Variants in LAMC3 observed in about 807,000 individuals in gnomAD.
The protein encoded by LAMC3 is laminin subunit gamma-3.
In LAMC3, 128 loss-of-function variants were observed where a neutral mutation model predicts 173.8. The observed-to-expected ratio is 0.74, with a 90% CI of 0.64 to 0.85. The LOEUF (loss-of-function observed/expected upper bound fraction) is 0.85. Among genes scored for constraint, LAMC3 ranks in the 40% least tolerant of loss-of-function variants. The pLI, the probability that LAMC3 is intolerant of heterozygous loss-of-function variation, is 0.00. For missense variants in LAMC3, 2,022 were observed against 2,156.0 expected, an observed-to-expected ratio of 0.94 and a Z score of 1.23; for synonymous variants, 897 against 909.1, an observed-to-expected ratio of 0.99 and a Z score of 0.24.
chr9:131,061,110 T>C lies in LAMC3; in HGVS notation c.2234T>C (p.Phe745Ser), dbSNP rs1041393760. 5 of 1,613,836 alleles carry C rather than the reference T, an allele frequency of 3.1e-6. No individual in the cohort carries two copies. In the African/African-American group the frequency reaches 5.3e-5, roughly 17 times the overall value. Residue 745 changes from phenylalanine (F) to serine (S), a missense_variant, in exon 13 of 28, where the codon TTC (phenylalanine) becomes TCC (serine). By Grantham distance (155) the Phe-to-Ser change is radical (BLOSUM62 -2). Coordinates refer to ENST00000361069, the MANE Select transcript of LAMC3 (RefSeq NM_006059.4). ...TTGCCAGGTTTCTATGGCAACCCTT[T>C]CGCGGGCCAAGCCGACGACTGCCAG... ...RCLPGFYGNP[F>S]AGQADDCQPC... is the part of the protein sequence containing the mutation.
At chr9:131,018,553 A>G (rs1052176524) in intron 1 of LAMC3, among the ~76,000 whole-genome samples, 2 of 152,182 alleles carry the variant, frequency 1.3e-5, no homozygotes, top group African/African-American at 4.8e-5. Flanking sequence ...CCTATCAGGA[A>G]AGCCGAGCCA....
intron 7 of LAMC3, 65 bp downstream of exon 7, chr9:131,041,800 A>G: frequency 7.0e-7 from 1 of 1,428,998 alleles, no homozygotes; most frequent in South Asian, 1.2e-5. Context: ...ATGAGGCACC[A>G]AAGCTGTGGA....
chr9:131,065,060 G>C (rs904916778), intron 13 of LAMC3, among the ~76,000 whole-genome samples: 153 of 11,656 alleles, frequency 0.013, no homozygotes, highest in African/African-American at 0.028. Context: ...AAAAAAAAAA[G>C]AAAAGGAAAG....
intron 1 of LAMC3, among the ~76,000 whole-genome samples, chr9:131,022,303 C>G (rs1833640284): frequency 6.6e-6 from 1 of 151,800 alleles, no homozygotes; most frequent in South Asian, 2.1e-4. Context: ...AGGCTGGTCT[C>G]AAACCCCTAG....
chr9:131,031,988 G>A, intron 2 of LAMC3, 57 bp from the exon 3 acceptor site: 1 of 1,613,628 alleles, frequency 6.2e-7, no homozygotes, highest in Non-Finnish European at 8.5e-7. Flanking sequence ...AGAGCGATGG[G>A]GGTAAATACT....
chr9:131,044,854 A>G (rs1292293200), intron 7 of LAMC3, among the ~76,000 whole-genome samples: 1 of 152,220 alleles, frequency 6.6e-6, no homozygotes, highest in East Asian at 1.9e-4. Flanking sequence ...GAACAAGGAT[A>G]CCACTAAATG....
chr9:131,016,823 G>C (rs1009267402), intron 1 of LAMC3, among the ~76,000 whole-genome samples: 1 of 152,198 alleles, frequency 6.6e-6, no homozygotes, highest in Non-Finnish European at 1.5e-5. Context: ...AAGCGTGTTT[G>C]TCCTCAGGAC....
intron 1 of LAMC3, among the ~76,000 whole-genome samples, chr9:131,013,992 A>G (rs996810653): frequency 6.6e-6 from 1 of 152,220 alleles, no homozygotes; most frequent in African/African-American, 2.4e-5. Flanking sequence ...TTCTGGCTGG[A>G]ACGCTGGGCC....
chr9:131,086,679 G>A (rs1830338232), intron 25 of LAMC3, among the ~76,000 whole-genome samples: 1 of 149,202 alleles, frequency 6.7e-6, no homozygotes, highest in African/African-American at 2.5e-5. Flanking sequence ...CTTGAGGTCA[G>A]GAGTTCGAGA....
intron 14 of LAMC3, 45 bp downstream of exon 14, chr9:131,067,250 C>T (rs1829956384): frequency 6.2e-7 from 1 of 1,608,246 alleles, no homozygotes; most frequent in African/African-American, 1.3e-5. Flanking sequence ...TGGTGGGCCC[C>T]TTCTCTTCTG....
At chr9:131,065,896 A>T (rs889333875) in intron 13 of LAMC3, among the ~76,000 whole-genome samples, 2 of 149,182 alleles carry the variant, frequency 1.3e-5, no homozygotes, top group African/African-American at 5.0e-5. Context: ...GGTCAAGATG[A>T]TGATGAAGAT....
At chr9:131,045,700 T>G in intron 8 of LAMC3, 40 bp downstream of exon 8, 1 of 1,611,352 alleles carries the variant, frequency 6.2e-7, no homozygotes, top group Non-Finnish European at 8.5e-7. Context: ...AAGGGTCTGC[T>G]CCCAGCCTAG....
Position 131,009,496 on chromosome 9 carries a change from C to T in LAMC3, c.282C>T (p.Phe94=). Residue 94 remains phenylalanine (F), a synonymous_variant, in exon 1 of 28, where the codon TTC becomes TTT. Transcript: ENST00000361069. The surrounding 1 kb of genome is among the most constrained non-coding windows in gnomAD (Gnocchi z 4.3). ...RHHNASYLTD[F]HSQDESTWWQ... ...ACAACGCCTCCTACCTCACCGACTT[C>T]CACAGCCAGGACGAGAGCACCTGGT... 6.4e-7 allele frequency: 1 copy of T among 1,551,150 alleles called. No homozygotes were observed. Among genetic ancestry groups the T allele is most frequent in the African/African-American group, 1.4e-5 (1 of 73,218 alleles).
chr9:131,069,678 G>A lies in LAMC3; in HGVS notation c.2897G>A (p.Arg966Lys). Residue 966 changes from arginine to lysine, a missense_variant, in exon 17 of 28, where the codon AGG becomes AAG. Physicochemically the swap from Arg to Lys is conservative, Grantham distance 26. Coordinates refer to ENST00000361069, the MANE Select transcript of LAMC3 (RefSeq NM_006059.4). ...GFSIKGCRAC[R>K]CSPLGAASAQ... ...CTGCCCCTGGCCCCTCTAGCCTGCA[G>A]GTGCTCCCCACTGGGCGCTGCCTCG... 6.4e-7 allele frequency: 1 copy of A among 1,566,410 alleles called. No homozygotes were observed. The highest frequency in any genetic ancestry group is 8.6e-7 in the Non-Finnish European group (1 of 1,157,708).
In LAMC3 at chr9:131,091,868, C is replaced by T. The variant is rs1312162999; in HGVS notation, c.*81C>T. 2 of 1,533,390 alleles carry T rather than the reference C, an allele frequency of 1.3e-6. No homozygotes were observed. The highest frequency in any genetic ancestry group is 1.7e-5 in the Admixed American group (1 of 57,618). The allele number at this position is 1,533,390 out of a possible 1,614,324, so 95.0% of individuals were successfully genotyped here. ...GGGTGCACACTACCCCACAGGTGTG[C>T]CCATACAGACATTCCCCGGAGCCGG... On this transcript the variant is annotated 3_prime_UTR_variant, in exon 28 of 28. Coordinates refer to ENST00000361069, the MANE Select transcript of LAMC3 (RefSeq NM_006059.4).
chr9:131,059,002 A>G (rs1375534146), intron 12 of LAMC3, among the ~76,000 whole-genome samples: 1 of 150,628 alleles, frequency 6.6e-6, no homozygotes, highest in Non-Finnish European at 1.5e-5. Flanking sequence ...GTTCAAGACC[A>G]GCGTGGCCAA....
At chr9:131,030,651 C>T (rs1049049329) in intron 2 of LAMC3, among the ~76,000 whole-genome samples, 4 of 152,218 alleles carry the variant, frequency 2.6e-5, no homozygotes, top group African/African-American at 7.2e-5. Flanking sequence ...CCGTGAGGCC[C>T]GAGCCCTAAC....
intron 1 of LAMC3, among the ~76,000 whole-genome samples, chr9:131,024,521 G>A (rs762390964): frequency 5.9e-5 from 9 of 152,152 alleles, no homozygotes; most frequent in East Asian, 1.9e-4. Context: ...AAGGAAGATG[G>A]TGGTGGCAGT....
rs2133242751 is a variant in LAMC3 at position 131,034,270 on chromosome 9, G to C, written c.810-1896G>C. ...TGGTGTTTACAGCACCCCCTCCAAGGCAGGGGCAGTCCCTTGTGACTTCCC... is the reference window on the plus strand; with the variant it reads ...TGGTGTTTACAGCACCCCCTCCAAGCCAGGGGCAGTCCCTTGTGACTTCCC... On this transcript the variant is annotated intron_variant, in intron 3 of 27. Transcript: ENST00000361069. Among the ~76,000 whole-genome samples the C allele has an allele frequency of 1.3e-5, 2 of 152,324 alleles. 1 individual carries two copies. The highest frequency in any genetic ancestry group is 2.9e-5 in the Non-Finnish European group (2 of 68,020).
Sources: allele counts gnomAD v4.1 joint callset (sites outside exome capture counted in the v4.1 genomes callset), GRCh38; gene constraint gnomAD v4.1.1; non-coding constraint Gnocchi (gnomAD v3.1); transcripts MANE v1.5; gene names NCBI Gene and HGNC (gene_info 2026-07-23, HGNC 2026-07-21).